EDARADD: variants seen among roughly 807,000 people sequenced by gnomAD.
EDARADD encodes the protein EDAR associated via death domain, also known as ectodysplasin-A receptor-associated adapter protein.
In EDARADD, 20 loss-of-function variants were observed where a neutral mutation model predicts 25.6. The observed-to-expected ratio is 0.78, with a 90% CI of 0.55 to 1.14. The LOEUF (loss-of-function observed/expected upper bound fraction) is 1.14, where lower values mean the gene tolerates loss of function less well. Among genes scored for constraint, EDARADD ranks in the 50% most tolerant of loss-of-function variants. The probability of loss-of-function intolerance (pLI) is 0.00; values close to 1 mark genes in which losing one functional copy is unlikely to be tolerated. For synonymous variants in EDARADD, 86 were observed against 94.4 expected, an observed-to-expected ratio of 0.91 and a Z score of 0.52; for missense variants, 225 against 270.1, an observed-to-expected ratio of 0.83 and a Z score of 1.17.
intron 3 of EDARADD, among the ~76,000 whole-genome samples, chr1:236,421,534 G>A (rs1188048254): frequency 1.8e-5 from 2 of 113,980 alleles, no homozygotes; most frequent in Non-Finnish European, 3.3e-5. Context: ...GTCTCACTCT[G>A]TCGCCCAGGC....
At chr1:236,388,530 A>G (rs192464463) in intron 3 of EDARADD, among the ~76,000 whole-genome samples, 98 of 152,360 alleles carry the variant, frequency 6.4e-4, no homozygotes, top group South Asian at 3.3e-3. Flanking sequence ...ATAGCTTGCT[A>G]TTCCGTCAGA....
chr1:236,436,149 A>AG (rs1658244082), intron 4 of EDARADD, among the ~76,000 whole-genome samples: 1 of 151,810 alleles, frequency 6.6e-6, no homozygotes, highest in African/African-American at 2.4e-5. Context: ...ATTAAAAAAA[A>AG]AAATGTCTTT....
chr1:236,484,670 T>C lies in EDARADD; in HGVS notation c.*2021T>C, dbSNP rs1424718922. The C allele has an allele frequency of 3.0e-5, 13 of 436,834 alleles. No homozygotes were observed. The Admixed American group carries it at 4.3e-4, about 14-fold the overall frequency. The allele number at this position is 436,834 out of a possible 1,614,324, so 27.1% of individuals were successfully genotyped here. ...TTGCAGTGAGCCGAGATTGCGCCAC[T>C]GCACACCAGTCTGGAGACAGAGTGA... On this transcript the variant is annotated 3_prime_UTR_variant, in exon 6 of 6. Transcript: ENST00000334232. The surrounding 1 kb of genome is among the most constrained non-coding windows in gnomAD (Gnocchi z 4.1).
intron 5 of EDARADD, among the ~76,000 whole-genome samples, chr1:236,480,351 TA>T (rs1258353680): frequency 6.6e-6 from 1 of 152,012 alleles, no homozygotes; most frequent in South Asian, 2.1e-4. Flanking sequence ...TGAAACTTAA[TA>T]ATGTAAATAA....
chr1:236,438,658 T>A (rs1484153099), intron 4 of EDARADD, among the ~76,000 whole-genome samples: 1 of 152,198 alleles, frequency 6.6e-6, no homozygotes, highest in Non-Finnish European at 1.5e-5. Flanking sequence ...TAGTTGATTC[T>A]TTTATTATTA....
chr1:236,473,728 T>G (rs1283943295), intron 5 of EDARADD, among the ~76,000 whole-genome samples: 1 of 152,174 alleles, frequency 6.6e-6, no homozygotes, highest in East Asian at 1.9e-4. Flanking sequence ...GAGGCTGCAG[T>G]GAGGCGTGAT....
chr1:236,402,596 A>G (rs1667632766), intron 1 of EDARADD, among the ~76,000 whole-genome samples: 1 of 152,034 alleles, frequency 6.6e-6, no homozygotes, highest in South Asian at 2.1e-4. Context: ...AAATAAGTAG[A>G]AATGAGGTCT....
intron 4 of EDARADD, among the ~76,000 whole-genome samples, chr1:236,463,779 A>T (rs1255835025): frequency 1.3e-5 from 2 of 152,144 alleles, no homozygotes; most frequent in Non-Finnish European, 2.9e-5. Flanking sequence ...GGGCCAACGG[A>T]TATCTCACCT....
At chr1:236,418,058 A>T (rs1403526403) in intron 3 of EDARADD, among the ~76,000 whole-genome samples, 1 of 149,944 alleles carries the variant, frequency 6.7e-6, no homozygotes, top group Admixed American at 6.7e-5. Flanking sequence ...AGTTCACGCC[A>T]TTCTCCTGCC....
At chr1:236,381,688 T>C (rs889045340) in intron 3 of EDARADD, among the ~76,000 whole-genome samples, 7 of 151,514 alleles carry the variant, frequency 4.6e-5, no homozygotes, top group African/African-American at 1.5e-4. Flanking sequence ...GTCAATTCTT[T>C]AAAAAAATAG....
intron 3 of EDARADD, among the ~76,000 whole-genome samples, chr1:236,364,052 T>C (rs1558101138): frequency 6.7e-6 from 1 of 149,806 alleles, no homozygotes; most frequent in Non-Finnish European, 1.5e-5. Context: ...GTTAGGAGGC[T>C]GAGGCAGGAG....
chr1:236,435,234 G>A (rs1035292386), intron 4 of EDARADD, among the ~76,000 whole-genome samples: 1 of 152,230 alleles, frequency 6.6e-6, no homozygotes, highest in Non-Finnish European at 1.5e-5. Flanking sequence ...GAAGAAAGGA[G>A]CTCAGAGGTA....
At chr1:236,471,382 G>A (rs1659355736) in intron 5 of EDARADD, among the ~76,000 whole-genome samples, 1 of 151,352 alleles carries the variant, frequency 6.6e-6, no homozygotes. Flanking sequence ...GTGTGTGTGT[G>A]TGCGCGCCCC....
At chr1:236,444,730 A>G (rs1332658319) in intron 4 of EDARADD, among the ~76,000 whole-genome samples, 1 of 152,116 alleles carries the variant, frequency 6.6e-6, no homozygotes, top group Non-Finnish European at 1.5e-5. Flanking sequence ...GACCAACTCT[A>G]CAATGTTGAT....
At position 236,435,828 on chromosome 1, in the gene EDARADD, A is replaced by G. The variant is rs555757478; in HGVS notation, c.219+8378A>G. On this transcript the variant is annotated intron_variant, in intron 4 of 5. Coordinates refer to ENST00000334232, the MANE Select transcript of EDARADD (RefSeq NM_145861.4). The stretch of plus-strand genomic sequence containing the variant: ...AATACGTGGGATGTTTTCCTATAGA[A>G]GGTAGAGGGGATTCATTTTCTTAGC... Among the ~76,000 whole-genome samples, 7 of 152,280 alleles carry G rather than the reference A, an allele frequency of 4.6e-5. No homozygotes were observed. In the South Asian group the frequency reaches 1.2e-3, roughly 27 times the overall value.
At chr1:236,358,569 T>C (rs2102990836) in intron 3 of EDARADD, among the ~76,000 whole-genome samples, 1 of 152,342 alleles carries the variant, frequency 6.6e-6, no homozygotes, top group African/African-American at 2.4e-5. Flanking sequence ...TGGTACATTG[T>C]CTCTTTGTTC....
At chr1:236,365,014 A>T (rs1308318832) in intron 3 of EDARADD, among the ~76,000 whole-genome samples, 3 of 152,148 alleles carry the variant, frequency 2.0e-5, no homozygotes, top group African/African-American at 7.2e-5. Flanking sequence ...TGTTAGATGT[A>T]GTTTTTTGGA....
chr1:236,366,019 G>A (rs1384311390), intron 3 of EDARADD, among the ~76,000 whole-genome samples: 1 of 152,138 alleles, frequency 6.6e-6, no homozygotes, highest in Non-Finnish European at 1.5e-5. Context: ...CACATGAAAT[G>A]CAATTTTGAT....
intron 4 of EDARADD, among the ~76,000 whole-genome samples, chr1:236,453,431 C>T (rs188145336): frequency 2.3e-3 from 353 of 152,120 alleles, no homozygotes; most frequent in Middle Eastern, 3.4e-3. Flanking sequence ...CGCGCACCAC[C>T]GTGCCAAGGT....
Sources: allele counts gnomAD v4.1 joint callset (sites outside exome capture counted in the v4.1 genomes callset), GRCh38; gene constraint gnomAD v4.1.1; non-coding constraint Gnocchi (gnomAD v3.1); transcripts MANE v1.5; gene names NCBI Gene and HGNC (gene_info 2026-07-23, HGNC 2026-07-21).